NBAS: variants seen among roughly 807,000 people sequenced by gnomAD.
NBAS encodes NBAS subunit of NRZ tethering complex.
In NBAS, 219 loss-of-function variants were observed where a neutral mutation model predicts 302.5. The observed-to-expected ratio is 0.72, with a 90% confidence interval of 0.65 to 0.81. The LOEUF is 0.81. NBAS is among the 30% of genes least tolerant of loss of function. The pLI, the probability that NBAS is intolerant of heterozygous loss-of-function variation, is 0.00. For synonymous variants in NBAS, 1,118 were observed against 1,021.6 expected (o/e 1.09, Z -1.80); for missense variants, 2,932 against 2,841.6 (o/e 1.03, Z -0.72).
chr2:15,204,961 A>T (rs1391328872), intron 48 of NBAS, among the ~76,000 whole-genome samples: 1 of 152,162 alleles, frequency 6.6e-6, no homozygotes, highest in Non-Finnish European at 1.5e-5. Context: ...ATACATATGT[A>T]ACAAACCTGC....
chr2:15,389,671 T>C (rs1251586158), intron 28 of NBAS, among the ~76,000 whole-genome samples: 2 of 152,090 alleles, frequency 1.3e-5, no homozygotes, highest in Non-Finnish European at 2.9e-5. Context: ...ATGAATTAAA[T>C]CTCCAGGCTA....
the NBAS span, among the ~76,000 whole-genome samples, chr2:14,782,034 T>A: frequency 2.0e-5 from 3 of 152,210 alleles, no homozygotes; most frequent in African/African-American, 7.2e-5. Flanking sequence ...GTACTGTTAC[T>A]GAAGCCTGCC....
the NBAS span, among the ~76,000 whole-genome samples, chr2:15,117,427 T>A: frequency 6.6e-6 from 1 of 152,194 alleles, no homozygotes; most frequent in Non-Finnish European, 1.5e-5. Flanking sequence ...GCCCTGCTCT[T>A]CCCTTCTGGG....
chr2:14,918,986 G>T, the NBAS span, among the ~76,000 whole-genome samples: 1 of 152,144 alleles, frequency 6.6e-6, no homozygotes, highest in African/African-American at 2.4e-5. Context: ...CCATTTAGAT[G>T]GGGGAGGGAG....
chr2:15,411,467 T>C (rs956059103), intron 25 of NBAS, among the ~76,000 whole-genome samples: 5 of 152,296 alleles, frequency 3.3e-5, no homozygotes, highest in South Asian at 4.1e-4. Flanking sequence ...CTAAATATTT[T>C]AGTGGTAAGA....
chr2:15,181,945 T>A (rs1664845690), intron 50 of NBAS, among the ~76,000 whole-genome samples: 2 of 152,364 alleles, frequency 1.3e-5, no homozygotes, highest in Non-Finnish European at 2.9e-5. Context: ...GCATGGGGGC[T>A]GCAAGGCAGC....
intron 44 of NBAS, among the ~76,000 whole-genome samples, chr2:15,257,414 T>C (rs2148005068): frequency 6.6e-6 from 1 of 151,660 alleles, no homozygotes; most frequent in African/African-American, 2.4e-5. Context: ...TTTTTTTTTT[T>C]TTGAGTCTCT....
At chr2:15,113,744 A>G in the NBAS span, among the ~76,000 whole-genome samples, 1 of 152,264 alleles carries the variant, frequency 6.6e-6, no homozygotes, top group Middle Eastern at 3.4e-3. Context: ...AAATAAACGG[A>G]ATGGAGTATT....
At chr2:15,287,911 G>A (rs28527788) in intron 41 of NBAS, among the ~76,000 whole-genome samples, 4 of 149,242 alleles carry the variant, frequency 2.7e-5, no homozygotes, top group South Asian at 4.3e-4. Flanking sequence ...TGAGCACCCC[G>A]TGTAGGCATC....
At chr2:14,814,592 C>T in the NBAS span, among the ~76,000 whole-genome samples, 1 of 152,194 alleles carries the variant, frequency 6.6e-6, no homozygotes, top group Non-Finnish European at 1.5e-5. Context: ...GCATGTAACC[C>T]CATTGTATCT....
At chr2:15,034,235 G>GAAAGAAAGCAA in the NBAS span, among the ~76,000 whole-genome samples, 1 of 81,636 alleles carries the variant, frequency 1.2e-5, no homozygotes, top group Non-Finnish European at 2.6e-5. Context: ...AAAGAAAGAA[G>GAAAGAAAGCAA]GAAAGAAAGA....
At chr2:15,482,765 T>G (rs1680481823) in intron 12 of NBAS, among the ~76,000 whole-genome samples, 1 of 152,102 alleles carries the variant, frequency 6.6e-6, no homozygotes, top group East Asian at 1.9e-4. Context: ...AGGTAAAAAT[T>G]TATCTTTACA....
chr2:15,452,105 G>A (rs1679044615), intron 21 of NBAS, among the ~76,000 whole-genome samples: 1 of 152,120 alleles, frequency 6.6e-6, no homozygotes, highest in African/African-American at 2.4e-5. Flanking sequence ...TGGTTGCCAA[G>A]GGCTAGGTGG....
At chr2:15,332,978 A>G (rs1461649401) in intron 35 of NBAS, among the ~76,000 whole-genome samples, 2 of 152,236 alleles carry the variant, frequency 1.3e-5, no homozygotes, top group African/African-American at 4.8e-5. Context: ...AAAAAGGAGT[A>G]AGACACAGGC....
At chr2:14,924,344 T>A in the NBAS span, among the ~76,000 whole-genome samples, 9 of 152,376 alleles carry the variant, frequency 5.9e-5, no homozygotes, top group East Asian at 1.5e-3. Context: ...TTTGAAAGTC[T>A]GCTTCAGAAT....
At chr2:15,286,616 G>A (rs567940385) in intron 42 of NBAS, among the ~76,000 whole-genome samples, 14 of 152,246 alleles carry the variant, frequency 9.2e-5, no homozygotes, top group East Asian at 3.9e-4. Flanking sequence ...TACTTCTGTC[G>A]TTAATTCCAA....
chr2:15,518,615 T>G (rs1203835272), intron 9 of NBAS, among the ~76,000 whole-genome samples: 1 of 152,110 alleles, frequency 6.6e-6, no homozygotes, highest in Non-Finnish European at 1.5e-5. Context: ...TACTTCCCCT[T>G]AACAAAAACA....
At chr2:15,224,672 C>A (rs1013290862) in intron 47 of NBAS, among the ~76,000 whole-genome samples, 16 of 152,202 alleles carry the variant, frequency 1.1e-4, no homozygotes, top group Non-Finnish European at 1.8e-4. Flanking sequence ...CAGCAGGGGC[C>A]TCCTTTAGAC....
At chr2:15,541,387 C>T (rs749478940) in intron 6 of NBAS, among the ~76,000 whole-genome samples, 24 of 152,094 alleles carry the variant, frequency 1.6e-4, no homozygotes, top group Non-Finnish European at 3.2e-4. Context: ...TTCACCATCC[C>T]TCCAGGACTA....
Sources: gnomAD v4.1 joint callset for allele counts (sites outside exome capture counted in the v4.1 genomes callset) on GRCh38, gnomAD v4.1.1 for gene constraint, MANE v1.5 for transcripts, NCBI Gene and HGNC (gene_info 2026-07-23, HGNC 2026-07-21) for gene names.